CSMD1: variants seen among roughly 807,000 people sequenced by gnomAD.
The protein encoded by CSMD1 is CUB and sushi domain-containing protein 1.
In CSMD1, 213 loss-of-function variants were observed where a neutral mutation model predicts 417.5. The observed-to-expected ratio is 0.51, with a 90% CI of 0.46 to 0.57. The LOEUF is 0.57. Among genes scored for constraint, CSMD1 ranks in the 20% least tolerant of loss-of-function variants. The probability of loss-of-function intolerance (pLI) is 0.00; values close to 1 mark genes in which losing one functional copy is unlikely to be tolerated. For synonymous variants in CSMD1, 2,862 were observed against 1,736.8 expected (o/e 1.65, Z -16.11); for missense variants, 6,923 against 4,529.7 (o/e 1.53, Z -15.17).
chr8:4,466,084 T>C (rs975024017), intron 2 of CSMD1, among the ~76,000 whole-genome samples: 1 of 152,180 alleles, frequency 6.6e-6, no homozygotes, highest in Non-Finnish European at 1.5e-5. Context: ...TATGGAGAGA[T>C]TAAATATCAT....
At chr8:4,281,921 G>C (rs577541438) in intron 3 of CSMD1, among the ~76,000 whole-genome samples, 2 of 152,182 alleles carry the variant, frequency 1.3e-5, no homozygotes, top group Non-Finnish European at 2.9e-5. Context: ...ACGTTTTGAT[G>C]ACATAGATGC....
chr8:3,324,979 GA>G (rs918176302), intron 23 of CSMD1, among the ~76,000 whole-genome samples: 79 of 145,478 alleles, frequency 5.4e-4, no homozygotes, highest in South Asian at 2.2e-3. Flanking sequence ...TGGTTTAAAA[GA>G]AAAAAAAAAG....
chr8:3,849,636 G>A (rs376033864), intron 5 of CSMD1, among the ~76,000 whole-genome samples: 2 of 152,126 alleles, frequency 1.3e-5, no homozygotes, highest in East Asian at 3.9e-4. Context: ...CCTACCTGGG[G>A]AACAAGGTCG....
intron 10 of CSMD1, among the ~76,000 whole-genome samples, chr8:3,521,079 T>A (rs1480705505): frequency 6.6e-6 from 1 of 152,188 alleles, no homozygotes; most frequent in African/African-American, 2.4e-5. Flanking sequence ...CCTCTAATTT[T>A]ACTGTCATTA....
intron 2 of CSMD1, among the ~76,000 whole-genome samples, chr8:4,533,007 A>G (rs59265291): frequency 0.41 from 62,922 of 151,776 alleles, 15,154 homozygotes; most frequent in Non-Finnish European, 0.53. Context: ...CTGCACCCCT[A>G]CTCACAGTCA....
intron 3 of CSMD1, among the ~76,000 whole-genome samples, chr8:4,213,472 A>C (rs557321014): frequency 9.8e-5 from 15 of 152,370 alleles, no homozygotes; most frequent in Admixed American, 8.5e-4. Context: ...GATACTGGCC[A>C]GTTACTAGAA....
chr8:3,357,827 C>T (rs1340278234), intron 21 of CSMD1, among the ~76,000 whole-genome samples: 1 of 152,004 alleles, frequency 6.6e-6, no homozygotes, highest in African/African-American at 2.4e-5. Context: ...AATATTATAA[C>T]CACAAACAGT....
At chr8:3,554,095 C>G (rs1799036537) in intron 10 of CSMD1, among the ~76,000 whole-genome samples, 1 of 152,190 alleles carries the variant, frequency 6.6e-6, no homozygotes, top group Non-Finnish European at 1.5e-5. Context: ...ATGCGTTCTT[C>G]ATGACTGTAT....
In CSMD1 at chr8:4,543,720, CA is replaced by C. The variant is rs1168151323; in HGVS notation, c.302+93621del. Among the ~76,000 whole-genome samples the C allele has an allele frequency of 3.7e-5, 5 of 133,980 alleles. No individual in the cohort carries two copies. The Admixed American group carries it at 3.9e-4, about 11-fold the overall frequency. The allele number at this position is 133,980 out of a possible 152,430, so 87.9% of individuals were successfully genotyped here. ...AAAAAACCCACACCAAAGTGTCTTCCAAACGGGCTGTACCATTTTGCATTCC... is the reference window on the plus strand; with the variant it reads ...AAAAAACCCACACCAAAGTGTCTTCCAACGGGCTGTACCATTTTGCATTCC... On this transcript the variant is annotated intron_variant, in intron 2 of 69. Coordinates refer to ENST00000635120, the MANE Select transcript of CSMD1 (RefSeq NM_033225.6).
At chr8:3,908,739 T>C (rs1457448016) in intron 5 of CSMD1, among the ~76,000 whole-genome samples, 1 of 152,170 alleles carries the variant, frequency 6.6e-6, no homozygotes, top group Non-Finnish European at 1.5e-5. Flanking sequence ...ATATTATTAA[T>C]ATACCTTCCA....
chr8:4,171,301 C>A (rs746237423), intron 3 of CSMD1, among the ~76,000 whole-genome samples: 30 of 151,892 alleles, frequency 2.0e-4, no homozygotes, highest in African/African-American at 6.6e-4. Context: ...AGCAACCCTA[C>A]GCCAGGCTGT....
intron 5 of CSMD1, among the ~76,000 whole-genome samples, chr8:3,964,098 A>G (rs538456230): frequency 2.0e-5 from 3 of 152,224 alleles, no homozygotes; most frequent in Admixed American, 6.5e-5. Context: ...TCAACAGTAA[A>G]AAGAACCTGC....
chr8:4,296,945 G>T (rs1161152267), intron 3 of CSMD1, among the ~76,000 whole-genome samples: 1 of 152,004 alleles, frequency 6.6e-6, no homozygotes, highest in Non-Finnish European at 1.5e-5. Flanking sequence ...GTACACAAAT[G>T]TGAAAATATA....
intron 1 of CSMD1, among the ~76,000 whole-genome samples, chr8:4,723,245 A>G (rs1809181850): frequency 6.6e-6 from 1 of 152,122 alleles, no homozygotes; most frequent in African/African-American, 2.4e-5. Flanking sequence ...ATTTCAGGCA[A>G]TTTTCTTGCC....
intron 3 of CSMD1, among the ~76,000 whole-genome samples, chr8:4,161,159 T>C (rs1797135201): frequency 1.3e-5 from 2 of 152,004 alleles, no homozygotes; most frequent in African/African-American, 4.8e-5. Context: ...ATGATAAAAG[T>C]TCAGAAGGAT....
chr8:4,469,295 G>A (rs975349948), intron 2 of CSMD1, among the ~76,000 whole-genome samples: 3 of 152,072 alleles, frequency 2.0e-5, no homozygotes, highest in African/African-American at 4.8e-5. Flanking sequence ...ATAGTCAGTG[G>A]GACTTTCTCA....
intron 1 of CSMD1, among the ~76,000 whole-genome samples, chr8:4,686,842 G>A (rs904459379): frequency 6.6e-6 from 1 of 152,202 alleles, no homozygotes; most frequent in Non-Finnish European, 1.5e-5. Context: ...ATGAGCTGCA[G>A]GGAGAGAAGG....
intron 5 of CSMD1, among the ~76,000 whole-genome samples, chr8:3,831,625 C>T (rs574774875): frequency 1.2e-4 from 18 of 152,280 alleles, no homozygotes; most frequent in African/African-American, 4.1e-4. Context: ...CATTGCACTA[C>T]TTATGGGTTT....
At chr8:4,241,804 G>GGGTT (rs1802422592) in intron 3 of CSMD1, among the ~76,000 whole-genome samples, 1 of 151,668 alleles carries the variant, frequency 6.6e-6, no homozygotes, top group Non-Finnish European at 1.5e-5. Context: ...TCCACCTCCT[G>GGGTT]GGTTCACGCC....
Sources: allele counts gnomAD v4.1 joint callset (sites outside exome capture counted in the v4.1 genomes callset), GRCh38; gene constraint gnomAD v4.1.1; transcripts MANE v1.5; gene names NCBI Gene and HGNC (gene_info 2026-07-23, HGNC 2026-07-21).